The following ESR2 variants were observed in gnomAD, a reference collection of about 807,000 sequenced individuals.
ESR2 encodes estrogen receptor beta.
Under a neutral mutation model 49.6 loss-of-function variants are expected in ESR2, and 36 were observed. The ratio of observed to expected loss-of-function variants is 0.73; its 90% confidence interval spans 0.56 to 0.96. The LOEUF (loss-of-function observed/expected upper bound fraction) is 0.96, where lower values mean the gene tolerates loss of function less well. Among genes scored for constraint, ESR2 ranks in the 40% least tolerant of loss-of-function variants. ESR2 has a pLI of 0.00. For missense variants in ESR2, 714 were observed against 693.0 expected (o/e 1.03, Z -0.34); for synonymous variants, 320 against 266.1 (o/e 1.20, Z -1.97).
chr14:64,271,841 T>C (rs1252460371), intron 3 of ESR2, among the ~76,000 whole-genome samples: 1 of 152,242 alleles, frequency 6.6e-6, no homozygotes, highest in African/African-American at 2.4e-5. Flanking sequence ...TCTTGGCTAT[T>C]GTGAACAGCG....
At chr14:64,289,369 G>A (rs1314360454) in intron 1 of ESR2, among the ~76,000 whole-genome samples, 8 of 152,016 alleles carry the variant, frequency 5.3e-5, no homozygotes, top group East Asian at 3.9e-4. Flanking sequence ...AAAATTAGCC[G>A]GGCATGGTGG....
chr14:64,267,905 T>C (rs1006214057), intron 4 of ESR2, among the ~76,000 whole-genome samples: 13 of 145,438 alleles, frequency 8.9e-5, no homozygotes, highest in Non-Finnish European at 1.7e-4. Context: ...AAAAAAGAAA[T>C]TGTCAGAGAG....
chr14:64,249,406 A>G (rs1291585094), intron 7 of ESR2, 140 bp downstream of exon 7: 2 of 976,642 alleles, frequency 2.0e-6, no homozygotes, highest in Non-Finnish European at 3.0e-6. Context: ...AATCGCTATC[A>G]AAATAAAAAC....
At chr14:64,274,973 C>T (rs1482663996) in intron 3 of ESR2, among the ~76,000 whole-genome samples, 1 of 152,100 alleles carries the variant, frequency 6.6e-6, no homozygotes, top group Non-Finnish European at 1.5e-5. Flanking sequence ...TGATTTGATT[C>T]CAGTTTTTTT....
chr14:64,264,890 G>A lies in ESR2; in HGVS notation c.652+3905C>T, dbSNP rs72722309. ...ATACCCTGTCTCAAAAAAAAAAAAA[G>A]AAAAAAAAAAAAGCACCTTTCTGAT... is the stretch of plus-strand genomic sequence containing the variant. On this transcript the variant is annotated intron_variant, in intron 4 of 8. Transcript: ENST00000341099. Among the ~76,000 whole-genome samples, 1,120 of 116,638 alleles carry A rather than the reference G, an allele frequency of 9.6e-3. 5 individuals carry two copies. Among genetic ancestry groups the A allele is most frequent in the African/African-American group, 0.018 (537 of 30,600 alleles). The allele number at this position is 116,638 out of a possible 152,430, so 76.5% of individuals were successfully genotyped here. A position where few individuals can be genotyped will look rare whatever the true frequency, so the allele number is the denominator to read the frequency against.
At chr14:64,236,325 T>G (rs1243503010) in intron 7 of ESR2, among the ~76,000 whole-genome samples, 1 of 152,174 alleles carries the variant, frequency 6.6e-6, no homozygotes, top group Non-Finnish European at 1.5e-5. Context: ...TGTGCTCACT[T>G]TGTTCTCCAC....
chr14:64,290,592 C>T (rs2076855933), intron 1 of ESR2, among the ~76,000 whole-genome samples: 2 of 151,680 alleles, frequency 1.3e-5, no homozygotes, highest in African/African-American at 4.8e-5. Context: ...TTAACAGAGA[C>T]AAGGTTTCAT....
At chr14:64,300,658 A>AGGCTGG (rs1298533098) in intron 1 of ESR2, among the ~76,000 whole-genome samples, 5 of 152,146 alleles carry the variant, frequency 3.3e-5, no homozygotes, top group Non-Finnish European at 5.9e-5. Context: ...CGGGAGGCTG[A>AGGCTGG]GGCTGGAGGA....
chr14:64,296,286 T>C (rs545445380), upstream of ESR2, among the ~76,000 whole-genome samples: 1 of 152,310 alleles, frequency 6.6e-6, no homozygotes, highest in East Asian at 1.9e-4. Context: ...GACTCCACTT[T>C]TCCAGTGAGG....
intron 3 of ESR2, 103 bp from the exon 4 acceptor site, chr14:64,269,014 G>A (rs2076387132): frequency 6.9e-6 from 5 of 729,890 alleles, no homozygotes; most frequent in Non-Finnish European, 1.2e-5. Flanking sequence ...GAGAGATAGG[G>A]GACATCTTCT....
chr14:64,228,006 A>G (rs767909240), downstream of ESR2: 1 of 1,531,870 alleles, frequency 6.5e-7, no homozygotes, highest in African/African-American at 1.4e-5. Flanking sequence ...ACTGGATACC[A>G]GGACTTTTGT....
chr14:64,282,906 T>C lies in ESR2; in HGVS notation c.80A>G (p.His27Arg), dbSNP rs753680835. The change falls in exon 2 of 9, where the codon CAC becomes CGC. Residue 27 changes from histidine to arginine, a missense_variant. His to Arg is a conservative substitution (Grantham distance 29). Transcript: ENST00000341099. ...NCSQSILPLE[H>R]GSIYIPSSYV... ...GGAGGAAGGTATGTATATGGAGCCG[T>C]GCTCCAGGGGTAAGATGGATTGACT... 1.1e-5 allele frequency: 18 copies of C among 1,613,434 alleles called. No homozygotes were observed. Among genetic ancestry groups the C allele is most frequent in the Admixed American group, 1.7e-5 (1 of 60,018 alleles).
At chr14:64,235,405 T>C (rs2075574776) in intron 7 of ESR2, among the ~76,000 whole-genome samples, 1 of 152,220 alleles carries the variant, frequency 6.6e-6, no homozygotes, top group Non-Finnish European at 1.5e-5. Flanking sequence ...ACCAGGCCCA[T>C]AATTGTGGCC....
At chr14:64,328,314 G>T (rs1194102875) in intron 1 of ESR2, among the ~76,000 whole-genome samples, 1 of 152,144 alleles carries the variant, frequency 6.6e-6, no homozygotes. Context: ...AGGTACTCAG[G>T]AGGCCAAGAC....
At chr14:64,332,836 T>TCTC (rs1182452442) in intron 1 of ESR2, among the ~76,000 whole-genome samples, 1 of 145,934 alleles carries the variant, frequency 6.9e-6, no homozygotes, top group Non-Finnish European at 1.5e-5. Flanking sequence ...TGATCAAACA[T>TCTC]CTCCTCTCTA....
intron 1 of ESR2, among the ~76,000 whole-genome samples, chr14:64,302,356 T>C (rs2978382): frequency 0.43 from 65,322 of 150,980 alleles, 14,729 homozygotes; most frequent in African/African-American, 0.54. Flanking sequence ...CCGGCTAATT[T>C]TTTTGTATTT....
chr14:64,310,683 G>T (rs1452848931), intron 1 of ESR2, among the ~76,000 whole-genome samples: 1 of 151,972 alleles, frequency 6.6e-6, no homozygotes, highest in Non-Finnish European at 1.5e-5. Context: ...TGTTGGCCAG[G>T]CTGGTCTGGA....
At chr14:64,292,452 T>A (rs926554504) in intron 1 of ESR2, among the ~76,000 whole-genome samples, 16 of 152,188 alleles carry the variant, frequency 1.1e-4, no homozygotes, top group African/African-American at 3.9e-4. Context: ...GGCTAAATTT[T>A]ACTGTATGTA....
At chr14:64,292,848 A>G (rs1333630031) in intron 1 of ESR2, among the ~76,000 whole-genome samples, 3 of 152,216 alleles carry the variant, frequency 2.0e-5, no homozygotes, top group Non-Finnish European at 4.4e-5. Flanking sequence ...ACATTAAGAA[A>G]TGTAAACTGT....
Sources: gnomAD v4.1 joint callset for allele counts (sites outside exome capture counted in the v4.1 genomes callset) on GRCh38, gnomAD v4.1.1 for gene constraint, MANE v1.5 for transcripts, NCBI Gene and HGNC (gene_info 2026-07-23, HGNC 2026-07-21) for gene names.